Variants in THNSL1 observed in about 807,000 individuals in gnomAD.
THNSL1 encodes the protein threonine synthase like 1.
THNSL1 carries 48 observed loss-of-function variants against 50.4 expected under a neutral mutation model. The observed-to-expected ratio is 0.95, with a 90% CI of 0.76 to 1.21. The LOEUF is 1.21. Among genes scored for constraint, THNSL1 ranks in the 50% most tolerant of loss-of-function variants. The probability of loss-of-function intolerance (pLI) is 0.00; values close to 1 mark genes in which losing one functional copy is unlikely to be tolerated. For synonymous variants in THNSL1, 309 were observed against 306.1 expected (o/e 1.01, Z -0.10); for missense variants, 896 against 871.7 (o/e 1.03, Z -0.35).
At chr10:24,970,799 G>A in the THNSL1 span, among the ~76,000 whole-genome samples, 7 of 152,008 alleles carry the variant, frequency 4.6e-5, no homozygotes, top group African/African-American at 1.7e-4. Flanking sequence ...TTAGGCAGGA[G>A]GATCCCCTGA....
the THNSL1 span, among the ~76,000 whole-genome samples, chr10:24,979,798 T>G: frequency 6.6e-6 from 1 of 152,188 alleles, no homozygotes; most frequent in Non-Finnish European, 1.5e-5. Context: ...ATGTTTAAAA[T>G]CATATTCTTG....
upstream of THNSL1, among the ~76,000 whole-genome samples, chr10:25,013,372 A>C (rs546809078): frequency 4.6e-5 from 7 of 152,380 alleles, no homozygotes; most frequent in Non-Finnish European, 7.3e-5. Flanking sequence ...CCATAGATTA[A>C]TGAGTTGAGA....
chr10:24,984,944 C>T, the THNSL1 span: 2 of 1,524,464 alleles, frequency 1.3e-6, no homozygotes, highest in African/African-American at 1.4e-5. Flanking sequence ...CCAAAGCAAA[C>T]TGCAAAAGTA....
chr10:25,024,529 G>C lies in THNSL1; in HGVS notation c.1306G>C (p.Asp436His). The C allele has an allele frequency of 6.2e-7, 1 of 1,614,166 alleles. No individual in the cohort carries two copies. Among genetic ancestry groups the C allele is most frequent in the Non-Finnish European group, 8.5e-7 (1 of 1,180,008 alleles). The part of the protein sequence containing the change: ...ENGWAVGVES[D>H]FDFCQTAIKR... Reference sequence around the variant, plus strand: ...TGGATGGGCAGTGGGTGTTGAGTCAGATTTTGATTTTTGCCAGACAGCTAT... The same window carrying C: ...TGGATGGGCAGTGGGTGTTGAGTCACATTTTGATTTTTGCCAGACAGCTAT... Residue 436 changes from aspartate (D) to histidine (H), a missense_variant, in exon 3 of 3, where the codon GAT (aspartate) becomes CAT (histidine). Transcript: ENST00000376356.
At chr10:24,986,670 G>A in the THNSL1 span, among the ~76,000 whole-genome samples, 1 of 152,122 alleles carries the variant, frequency 6.6e-6, no homozygotes, top group Non-Finnish European at 1.5e-5. Flanking sequence ...GTTTTTCTCT[G>A]TATTTTCTTT....
chr10:25,024,598 G>A lies in THNSL1; in HGVS notation c.1375G>A (p.Val459Met). 1 of 1,614,162 alleles carries A rather than the reference G, an allele frequency of 6.2e-7. No individual in the cohort carries two copies. The highest frequency in any genetic ancestry group is 8.5e-7 in the Non-Finnish European group (1 of 1,180,026). ...NDSDFTGFLT[V>M]EYGTILSSAN... Reference sequence around the variant, plus strand: ...TTCTGATTTTACTGGCTTTCTTACTGTGGAATATGGAACAATCTTAAGTTC... The same window carrying A: ...TTCTGATTTTACTGGCTTTCTTACTATGGAATATGGAACAATCTTAAGTTC... The change falls in exon 3 of 3, where the codon GTG becomes ATG. Residue 459 changes from valine to methionine, a missense_variant. Coordinates refer to ENST00000376356, the MANE Select transcript of THNSL1 (RefSeq NM_024838.5).
chr10:24,994,228 T>G, the THNSL1 span, among the ~76,000 whole-genome samples: 24 of 151,268 alleles, frequency 1.6e-4, no homozygotes, highest in Non-Finnish European at 1.3e-4. Flanking sequence ...TTTATCTCTC[T>G]TCCTTTTTCT....
chr10:24,994,335 T>C, the THNSL1 span, among the ~76,000 whole-genome samples: 1 of 150,460 alleles, frequency 6.6e-6, no homozygotes, highest in Non-Finnish European at 1.5e-5. Flanking sequence ...AATTCTGCAC[T>C]CTTTTTTTTT....
intron 1 of THNSL1, among the ~76,000 whole-genome samples, chr10:25,017,761 C>G (rs1850636505): frequency 6.6e-6 from 1 of 151,720 alleles, no homozygotes; most frequent in African/African-American, 2.4e-5. Context: ...AGATCTAGAT[C>G]CAAATCTATA....
At chr10:24,960,661 A>G in the THNSL1 span, among the ~76,000 whole-genome samples, 1 of 151,976 alleles carries the variant, frequency 6.6e-6, no homozygotes, top group African/African-American at 2.4e-5. Context: ...TCCTGACCTC[A>G]AGTGATCCAC....
the THNSL1 span, among the ~76,000 whole-genome samples, chr10:24,974,182 C>T: frequency 6.6e-6 from 1 of 151,984 alleles, no homozygotes; most frequent in Non-Finnish European, 1.5e-5. Flanking sequence ...CCATAAGATC[C>T]TCAGAAAAAT....
At chr10:24,972,507 CAAAA>C in the THNSL1 span, among the ~76,000 whole-genome samples, 1 of 133,162 alleles carries the variant, frequency 7.5e-6, no homozygotes, top group South Asian at 2.3e-4. Flanking sequence ...GACTCTGTCT[CAAAA>C]AAAAAAAAAT....
At chr10:24,997,168 C>T in the THNSL1 span, among the ~76,000 whole-genome samples, 4 of 152,086 alleles carry the variant, frequency 2.6e-5, no homozygotes, top group Admixed American at 2.6e-4. Context: ...GTGCTTTCAT[C>T]ATGCCTGTGA....
the THNSL1 span, among the ~76,000 whole-genome samples, chr10:25,011,460 C>T: frequency 6.6e-6 from 1 of 152,004 alleles, no homozygotes; most frequent in African/African-American, 2.4e-5. Flanking sequence ...AGATACAAAC[C>T]TGAGAAAAAC....
the THNSL1 span, among the ~76,000 whole-genome samples, chr10:24,988,679 T>TTCCTC: frequency 1.1e-3 from 3 of 2,612 alleles, no homozygotes; most frequent in Non-Finnish European, 8.3e-4. Flanking sequence ...TATATATATA[T>TTCCTC]ATATATATAT....
upstream of THNSL1, chr10:25,016,258 G>T: frequency 2.2e-6 from 2 of 901,806 alleles, no homozygotes; most frequent in Non-Finnish European, 2.7e-6. Context: ...CCTTCTGCTA[G>T]AGAAGCTCAT....
chr10:25,002,524 T>G, the THNSL1 span, among the ~76,000 whole-genome samples: 13 of 152,212 alleles, frequency 8.5e-5, no homozygotes, highest in Non-Finnish European at 8.8e-5. Context: ...TTTGTTTCTC[T>G]TCTTTTATAG....
At chr10:24,991,812 A>C in the THNSL1 span, among the ~76,000 whole-genome samples, 2 of 152,200 alleles carry the variant, frequency 1.3e-5, no homozygotes, top group African/African-American at 4.8e-5. Flanking sequence ...TAATTGAGCA[A>C]ACACAAGCCA....
chr10:24,993,668 G>C, the THNSL1 span, among the ~76,000 whole-genome samples: 1 of 152,210 alleles, frequency 6.6e-6, no homozygotes, highest in Non-Finnish European at 1.5e-5. Flanking sequence ...AGTAAATTGA[G>C]TAAGTCTTTC....
Sources: allele counts gnomAD v4.1 joint callset (sites outside exome capture counted in the v4.1 genomes callset), GRCh38; gene constraint gnomAD v4.1.1; transcripts MANE v1.5; gene names NCBI Gene and HGNC (gene_info 2026-07-23, HGNC 2026-07-21).